The following TPD52 variants were observed in gnomAD, a reference collection of about 807,000 sequenced individuals.
TPD52 encodes the protein tumor protein D52.
In TPD52, 17 loss-of-function variants were observed where a neutral mutation model predicts 31.3. That is an observed-to-expected ratio of 0.54 (90% CI 0.37 to 0.82). The LOEUF (loss-of-function observed/expected upper bound fraction) is 0.82, where lower values mean the gene tolerates loss of function less well. Ranked by LOEUF, TPD52 falls within the 40% of genes least tolerant of loss-of-function variation. The pLI, the probability that TPD52 is intolerant of heterozygous loss-of-function variation, is 0.00. For synonymous variants in TPD52, 83 were observed against 89.6 expected (o/e 0.93, Z 0.42); for missense variants, 212 against 240.1 (o/e 0.88, Z 0.77).
intron 5 of TPD52, 33 bp downstream of exon 5, chr8:80,050,412 C>T (rs1200286647): frequency 8.8e-6 from 14 of 1,594,572 alleles, no homozygotes; most frequent in Admixed American, 1.7e-5. Flanking sequence ...TATACAACTG[C>T]TGGACTGCAG....
intron 1 of TPD52, among the ~76,000 whole-genome samples, chr8:80,137,473 T>C (rs1563653507): frequency 6.6e-6 from 1 of 152,176 alleles, no homozygotes; most frequent in Non-Finnish European, 1.5e-5. Context: ...AAGTACAGAA[T>C]AATGTGTATG....
downstream of TPD52, among the ~76,000 whole-genome samples, chr8:80,031,967 A>T (rs1809703730): frequency 6.6e-6 from 1 of 152,038 alleles, no homozygotes; most frequent in Non-Finnish European, 1.5e-5. Context: ...AGCCTGGCCA[A>T]CATGGTGAAA....
chr8:80,064,905 G>T, intron 1 of TPD52: 1 of 512,686 alleles, frequency 2.0e-6, no homozygotes, highest in East Asian at 5.0e-5. Flanking sequence ...ATCTTGCTGA[G>T]ACTTTAAATT....
At chr8:80,107,751 GTT>G (rs74275133) in intron 1 of TPD52, among the ~76,000 whole-genome samples, 2 of 148,756 alleles carry the variant, frequency 1.3e-5, no homozygotes, top group South Asian at 2.1e-4. Flanking sequence ...CCAAATGTGT[GTT>G]TTTTTTTTAA....
At chr8:80,113,917 T>C (rs896766290) in intron 1 of TPD52, among the ~76,000 whole-genome samples, 2 of 152,148 alleles carry the variant, frequency 1.3e-5, no homozygotes, top group African/African-American at 2.4e-5. Context: ...AATAAATATA[T>C]ACAATTATGT....
intron 1 of TPD52, among the ~76,000 whole-genome samples, chr8:80,149,727 G>T (rs1023939928): frequency 2.6e-5 from 4 of 152,224 alleles, no homozygotes; most frequent in Admixed American, 6.5e-5. Context: ...CTCTTGCTGT[G>T]CTTTAGCAAA....
At chr8:80,061,386 A>C (rs1042617366) in intron 2 of TPD52, among the ~76,000 whole-genome samples, 680 of 24,368 alleles carry the variant, frequency 0.028, 25 homozygotes, top group Admixed American at 0.16. Context: ...CGCCCCCCCC[A>C]AAAAAAAAAG....
intron 2 of TPD52, among the ~76,000 whole-genome samples, chr8:80,060,178 C>G (rs191346759): frequency 7.7e-6 from 1 of 130,124 alleles, no homozygotes; most frequent in African/African-American, 2.9e-5. Flanking sequence ...GCATAAATAA[C>G]TAAAATCAAA....
At position 80,072,358 on chromosome 8, in the gene TPD52, T is replaced by C. The variant is rs1322701210; in HGVS notation, c.20-7765A>G. Among the ~76,000 whole-genome samples the C allele has an allele frequency of 2.7e-5, 4 of 149,578 alleles. 1 individual carries two copies. Among genetic ancestry groups the C allele is most frequent in the African/African-American group, 1.0e-4 (4 of 39,560 alleles). On this transcript the variant is annotated intron_variant, in intron 1 of 7. Transcript: ENST00000518937. ...GTGTGTGTGTGTGTGTATGTGTGTA[T>C]ATACATGTACACATAGATATGCGTG...
intron 1 of TPD52, among the ~76,000 whole-genome samples, chr8:80,125,209 C>T (rs1361023667): frequency 2.6e-5 from 4 of 152,172 alleles, no homozygotes; most frequent in South Asian, 2.1e-4. Context: ...CAGTGGCTCA[C>T]GCCATAATCC....
At position 80,037,022 on chromosome 8, in the gene TPD52, G is replaced by A. The variant is rs960414726; in HGVS notation, c.*1094C>T. The A allele has an allele frequency of 6.6e-6, 1 of 152,510 alleles. No homozygotes were observed. The highest frequency in any genetic ancestry group is 2.4e-5 in the African/African-American group (1 of 41,406). 9.4% of individuals were successfully genotyped at this position (152,510 alleles called of 1,614,324 possible). ...ATTCAGTTTTCAAAGTAGGAGACAG[G>A]TTCTACAGTATCATTTTACAGTTTC... is the stretch of plus-strand genomic sequence containing the variant. On this transcript the variant is annotated 3_prime_UTR_variant, in exon 8 of 8. Transcript: ENST00000518937.
chr8:80,095,668 C>T (rs1342966599), intron 1 of TPD52, among the ~76,000 whole-genome samples: 2 of 150,044 alleles, frequency 1.3e-5, no homozygotes, highest in Non-Finnish European at 1.5e-5. Flanking sequence ...AAGACTAGGC[C>T]GGGTGCGGTG....
At chr8:80,169,728 C>T (rs1413092193) in intron 1 of TPD52, among the ~76,000 whole-genome samples, 2 of 152,196 alleles carry the variant, frequency 1.3e-5, no homozygotes, top group East Asian at 1.9e-4. Context: ...ATGTCTCCCC[C>T]GTCCTGCGTC....
At chr8:80,060,763 T>C (rs1270769533) in intron 2 of TPD52, among the ~76,000 whole-genome samples, 1 of 148,364 alleles carries the variant, frequency 6.7e-6, no homozygotes, top group Non-Finnish European at 1.5e-5. Context: ...AAAAATCCAA[T>C]ACTCTTTCAT....
chr8:80,074,900 CTG>C (rs1814343078), intron 1 of TPD52, among the ~76,000 whole-genome samples: 4 of 152,204 alleles, frequency 2.6e-5, no homozygotes, highest in Admixed American at 2.6e-4. Context: ...AAGAAAAAAA[CTG>C]AGAAAACTTG....
intron 1 of TPD52, among the ~76,000 whole-genome samples, chr8:80,103,851 G>A (rs1282661363): frequency 6.6e-6 from 1 of 152,198 alleles, no homozygotes; most frequent in East Asian, 1.9e-4. Flanking sequence ...CACTAGGAAA[G>A]GTTCCACGAA....
At chr8:80,080,312 T>TA (rs753219264) in intron 1 of TPD52, 5 of 1,613,900 alleles carry the variant, frequency 3.1e-6, no homozygotes, top group Admixed American at 1.7e-5. Flanking sequence ...AATTAGTAGT[T>TA]ACCAAATTTC....
At chr8:80,101,040 C>T (rs1411379610) in intron 1 of TPD52, among the ~76,000 whole-genome samples, 2 of 152,308 alleles carry the variant, frequency 1.3e-5, no homozygotes, top group East Asian at 3.9e-4. Context: ...CCAAGTGTTA[C>T]AGTGAGATAT....
intron 1 of TPD52, among the ~76,000 whole-genome samples, chr8:80,155,703 G>C (rs1388549599): frequency 2.0e-5 from 3 of 152,054 alleles, no homozygotes; most frequent in Non-Finnish European, 4.4e-5. Context: ...GACCAACATG[G>C]AGAAACTCTG....
Sources: allele counts gnomAD v4.1 joint callset (sites outside exome capture counted in the v4.1 genomes callset), GRCh38; gene constraint gnomAD v4.1.1; transcripts MANE v1.5; gene names NCBI Gene and HGNC (gene_info 2026-07-23, HGNC 2026-07-21).